CIMIP6: variants seen among roughly 807,000 people sequenced by gnomAD.
CIMIP6 encodes ciliary microtubule inner protein 6.
At chr2:54,334,586 T>C in the CIMIP6 span, among the ~76,000 whole-genome samples, 2 of 152,222 alleles carry the variant, frequency 1.3e-5, no homozygotes, top group African/African-American at 4.8e-5. Context: ...TGCACTGCAC[T>C]GGTATATTAT....
At chr2:54,331,044 T>C in the CIMIP6 span, 4 of 1,607,348 alleles carry the variant, frequency 2.5e-6, no homozygotes, top group South Asian at 4.4e-5. Context: ...TTCCAAAAAC[T>C]ATTTTCCTCC....
chr2:54,354,373 T>C, the CIMIP6 span, among the ~76,000 whole-genome samples: 1 of 152,148 alleles, frequency 6.6e-6, no homozygotes, highest in East Asian at 1.9e-4. Context: ...GCTCAAAATA[T>C]CCAGCTAGAA....
At chr2:54,378,735 T>A in the CIMIP6 span, among the ~76,000 whole-genome samples, 14 of 152,288 alleles carry the variant, frequency 9.2e-5, no homozygotes, top group Non-Finnish European at 1.9e-4. Flanking sequence ...TGGAATGTTG[T>A]CCCCTCTACT....
chr2:54,365,230 G>A, the CIMIP6 span, among the ~76,000 whole-genome samples: 1 of 152,170 alleles, frequency 6.6e-6, no homozygotes, highest in Non-Finnish European at 1.5e-5. Context: ...GTGGGGTCCA[G>A]TGTGTATTCA....
At chr2:54,355,550 C>G in the CIMIP6 span, among the ~76,000 whole-genome samples, 7 of 152,008 alleles carry the variant, frequency 4.6e-5, no homozygotes, top group African/African-American at 1.7e-4. Context: ...ATCATTTTCT[C>G]AAATATTTCC....
the CIMIP6 span, among the ~76,000 whole-genome samples, chr2:54,336,064 T>G: frequency 6.6e-6 from 1 of 152,168 alleles, no homozygotes; most frequent in Non-Finnish European, 1.5e-5. Context: ...ATTCACAGAT[T>G]TGGGGCTTAA....
chr2:54,361,484 A>C, the CIMIP6 span: 2 of 152,342 alleles, frequency 1.3e-5, no homozygotes, highest in Admixed American at 1.3e-4. Flanking sequence ...TCCATTGGGA[A>C]ATATCAGCTG....
the CIMIP6 span, among the ~76,000 whole-genome samples, chr2:54,356,048 T>A: frequency 6.6e-6 from 1 of 152,026 alleles, no homozygotes; most frequent in South Asian, 2.1e-4. Flanking sequence ...AGAGAGCTTC[T>A]GGTATCACAA....
At chr2:54,380,736 C>T in the CIMIP6 span, among the ~76,000 whole-genome samples, 2 of 152,194 alleles carry the variant, frequency 1.3e-5, no homozygotes, top group Admixed American at 6.5e-5. Flanking sequence ...AATGTGTGCA[C>T]GCACACACAT....
the CIMIP6 span, chr2:54,383,868 G>A: frequency 4.6e-5 from 7 of 152,092 alleles, no homozygotes; most frequent in African/African-American, 1.7e-4. Context: ...TTTCAGGAGC[G>A]ATTTTCTTAT....
At chr2:54,377,183 C>A in the CIMIP6 span, among the ~76,000 whole-genome samples, 2 of 152,080 alleles carry the variant, frequency 1.3e-5, no homozygotes, top group South Asian at 2.1e-4. Flanking sequence ...AAACGTTGAA[C>A]CCACGCTCCC....
At chr2:54,380,700 T>A in the CIMIP6 span, among the ~76,000 whole-genome samples, 1 of 152,158 alleles carries the variant, frequency 6.6e-6, no homozygotes, top group Non-Finnish European at 1.5e-5. Context: ...CCACACCTAG[T>A]TCCCACACTT....
the CIMIP6 span, chr2:54,361,192 A>T: frequency 6.6e-6 from 1 of 152,226 alleles, no homozygotes; most frequent in Admixed American, 6.5e-5. Context: ...AAATCTAAAA[A>T]TACTTCTGCC....
the CIMIP6 span, among the ~76,000 whole-genome samples, chr2:54,374,780 G>C: frequency 6.6e-6 from 1 of 152,190 alleles, no homozygotes; most frequent in African/African-American, 2.4e-5. Context: ...TTTGCTTCTA[G>C]AGCAAATGAT....
chr2:54,343,913 A>G, the CIMIP6 span: 1 of 1,466,352 alleles, frequency 6.8e-7, no homozygotes, highest in African/African-American at 1.4e-5. Flanking sequence ...ATGTTATCTC[A>G]AATTATTGCT....
At chr2:54,378,497 G>C in the CIMIP6 span, among the ~76,000 whole-genome samples, 60 of 152,062 alleles carry the variant, frequency 3.9e-4, no homozygotes, top group Admixed American at 1.2e-3. Context: ...ATTTTTTTTA[G>C]AACATCAAAA....
the CIMIP6 span, among the ~76,000 whole-genome samples, chr2:54,332,407 G>T: frequency 1.3e-5 from 2 of 152,158 alleles, no homozygotes; most frequent in Non-Finnish European, 2.9e-5. Flanking sequence ...TATCATCAGT[G>T]CCTCCAACAG....
chr2:54,374,842 A>G, the CIMIP6 span, among the ~76,000 whole-genome samples: 1 of 151,956 alleles, frequency 6.6e-6, no homozygotes. Flanking sequence ...CCCTCGCCCC[A>G]CTCCCCTGCG....
the CIMIP6 span, among the ~76,000 whole-genome samples, chr2:54,342,249 CTG>C: frequency 1.3e-5 from 2 of 152,124 alleles, no homozygotes; most frequent in Non-Finnish European, 2.9e-5. Flanking sequence ...TTCAAGTTAA[CTG>C]TAATTTTCCT....
Sources: gnomAD v4.1 joint callset for allele counts (sites outside exome capture counted in the v4.1 genomes callset) on GRCh38, gnomAD v4.1.1 for gene constraint, MANE v1.5 for transcripts, NCBI Gene and HGNC (gene_info 2026-07-23, HGNC 2026-07-21) for gene names.